NFIB: variants seen among roughly 807,000 people sequenced by gnomAD.
NFIB encodes the protein nuclear factor I B.
In NFIB, 11 loss-of-function variants were observed where a neutral mutation model predicts 61.5. That is an observed-to-expected ratio of 0.18 (90% confidence interval 0.11 to 0.30). The LOEUF (loss-of-function observed/expected upper bound fraction) is 0.30. Ranked by LOEUF, NFIB falls within the 10% of genes least tolerant of loss-of-function variation. The pLI is 1.00. For synonymous variants in NFIB, 260 were observed against 216.5 expected, an observed-to-expected ratio of 1.20 and a Z score of -1.76; for missense variants, 471 against 608.9, an observed-to-expected ratio of 0.77 and a Z score of 2.38.
At chr9:14,326,593 C>T (rs1474538642) in intron 1 of NFIB, among the ~76,000 whole-genome samples, 1 of 151,904 alleles carries the variant, frequency 6.6e-6, no homozygotes, top group Non-Finnish European at 1.5e-5. Context: ...CCTTACCAAC[C>T]CCCGGCTATG....
At chr9:14,334,953 A>T (rs2060867938) in intron 1 of NFIB, among the ~76,000 whole-genome samples, 1 of 152,170 alleles carries the variant, frequency 6.6e-6, no homozygotes, top group African/African-American at 2.4e-5. Context: ...ACTCTTTTTC[A>T]TCTGGCTTCT....
At chr9:14,140,909 T>A (rs1265991513) in intron 6 of NFIB, among the ~76,000 whole-genome samples, 1 of 152,176 alleles carries the variant, frequency 6.6e-6, no homozygotes, top group Non-Finnish European at 1.5e-5. Flanking sequence ...CACTCCATCC[T>A]GGGCAACAGA....
At chr9:14,391,935 T>A (rs898645491) in intron 1 of NFIB, among the ~76,000 whole-genome samples, 1 of 152,146 alleles carries the variant, frequency 6.6e-6, no homozygotes, top group African/African-American at 2.4e-5. Context: ...TTATACCTAC[T>A]TCTGGCCGTC....
intron 2 of NFIB, among the ~76,000 whole-genome samples, chr9:14,182,082 T>A (rs1448583123): frequency 6.6e-6 from 1 of 152,322 alleles, no homozygotes; most frequent in East Asian, 1.9e-4. Flanking sequence ...TACCACAACA[T>A]CCCACTTGGG....
At position 14,374,101 on chromosome 9, in the gene NFIB, A is replaced by G. The variant is rs144105082; in HGVS notation, c.108+24423T>C. On this transcript the variant is annotated intron_variant, in intron 1 of 8. Coordinates refer to the NFIB transcript ENST00000380934. ...GTCAGGGTTTTGAAGGCAAAATTAT[A>G]GTAAAATATGTTTTAAAACAGTGGG... Among the ~76,000 whole-genome samples, 91 of 152,358 alleles carry G rather than the reference A, an allele frequency of 6.0e-4. 1 individual carries two copies. The East Asian group carries it at 8.5e-3, about 14-fold the overall frequency.
chr9:14,487,411 C>T, the NFIB span, among the ~76,000 whole-genome samples: 2 of 152,164 alleles, frequency 1.3e-5, no homozygotes, highest in African/African-American at 2.4e-5. Context: ...TCTCATGGAA[C>T]GAAATTGTCC....
chr9:14,310,988 CG>C (rs1563999279), intron 1 of NFIB, among the ~76,000 whole-genome samples: 2 of 151,772 alleles, frequency 1.3e-5, no homozygotes, highest in African/African-American at 4.8e-5. Context: ...TTAAAAGCAA[CG>C]AAAGAAAAAT....
At chr9:14,496,930 T>A in the NFIB span, among the ~76,000 whole-genome samples, 1 of 152,236 alleles carries the variant, frequency 6.6e-6, no homozygotes, top group African/African-American at 2.4e-5. Context: ...GTATTTCTTT[T>A]TCTACAAATT....
chr9:14,218,933 T>C (rs1236514367), intron 2 of NFIB, among the ~76,000 whole-genome samples: 1 of 152,202 alleles, frequency 6.6e-6, no homozygotes, highest in African/African-American at 2.4e-5. Context: ...GAAACACTTC[T>C]TGCCCTCTAG....
intron 2 of NFIB, among the ~76,000 whole-genome samples, chr9:14,194,483 T>C (rs1242526120): frequency 6.6e-6 from 1 of 152,036 alleles, no homozygotes; most frequent in Non-Finnish European, 1.5e-5. Context: ...GGAAAACGAA[T>C]CCAACTTTTA....
At chr9:14,412,857 T>A in the NFIB span, among the ~76,000 whole-genome samples, 1 of 152,156 alleles carries the variant, frequency 6.6e-6, no homozygotes, top group Non-Finnish European at 1.5e-5. Flanking sequence ...AAATGTTTGT[T>A]CAGAGGAGGC....
intron 1 of NFIB, among the ~76,000 whole-genome samples, chr9:14,327,411 T>G (rs1470055455): frequency 6.6e-6 from 1 of 152,220 alleles, no homozygotes; most frequent in Non-Finnish European, 1.5e-5. Context: ...TGTGTCTATA[T>G]TCCGTAAGTA....
intron 10 of NFIB, among the ~76,000 whole-genome samples, chr9:14,095,511 T>C (rs1214485372): frequency 1.3e-5 from 2 of 152,140 alleles, no homozygotes; most frequent in African/African-American, 2.4e-5. Flanking sequence ...TTCAATGCTA[T>C]TGTTAAAAGT....
At chr9:14,370,233 C>A (rs2061344463) in intron 1 of NFIB, among the ~76,000 whole-genome samples, 2 of 152,176 alleles carry the variant, frequency 1.3e-5, no homozygotes, top group Non-Finnish European at 2.9e-5. Context: ...GACTCAAGGA[C>A]AATTAATGGC....
At position 14,085,470 on chromosome 9, in the gene NFIB, A is replaced by C. The variant is rs2032714758; in HGVS notation, c.*2839T>G. The C allele has an allele frequency of 4.5e-6, 1 of 221,898 alleles. No homozygotes were observed. The highest frequency in any genetic ancestry group is 1.8e-4 in the South Asian group (1 of 5,428). 13.7% of individuals were successfully genotyped at this position (221,898 alleles called of 1,614,324 possible). A position where few individuals can be genotyped will look rare whatever the true frequency, so the allele number is the denominator to read the frequency against. On this transcript the variant is annotated 3_prime_UTR_variant, in exon 11 of 11. Transcript: ENST00000380953. ...AAATCAAATATATAGTTAAGGTACC[A>C]TTCCTTAAAAAAATCCCATCAGCAT...
At chr9:14,203,198 A>G (rs1453481070) in intron 2 of NFIB, among the ~76,000 whole-genome samples, 1 of 152,024 alleles carries the variant, frequency 6.6e-6, no homozygotes, top group African/African-American at 2.4e-5. Context: ...GTTTCAGTTA[A>G]GCCAGGCCCA....
chr9:14,327,355 T>C (rs567216714), intron 1 of NFIB, among the ~76,000 whole-genome samples: 336 of 152,360 alleles, frequency 2.2e-3, no homozygotes, highest in Non-Finnish European at 3.9e-3. Context: ...CATGTTGATA[T>C]CATTTCAAGT....
At chr9:14,444,147 G>T in the NFIB span, among the ~76,000 whole-genome samples, 2 of 152,152 alleles carry the variant, frequency 1.3e-5, no homozygotes, top group Non-Finnish European at 2.9e-5. Context: ...GCCAATGAAA[G>T]ATCCAAATTG....
intron 1 of NFIB, among the ~76,000 whole-genome samples, chr9:14,348,171 G>A (rs2061056929): frequency 6.6e-6 from 1 of 152,204 alleles, no homozygotes; most frequent in African/African-American, 2.4e-5. Flanking sequence ...CACACCTACT[G>A]GCATTCCGCT....
Sources: allele counts gnomAD v4.1 joint callset (sites outside exome capture counted in the v4.1 genomes callset), GRCh38; gene constraint gnomAD v4.1.1; transcripts MANE v1.5; gene names NCBI Gene and HGNC (gene_info 2026-07-23, HGNC 2026-07-21).